Variants in GPR4 observed in about 807,000 individuals in gnomAD.
The protein encoded by GPR4 is G-prodeshotein coupled receptor 4.
In GPR4, 11 loss-of-function variants were observed where a neutral mutation model predicts 17.8. The observed-to-expected ratio is 0.62, with a 90% CI of 0.39 to 1.02. The LOEUF (loss-of-function observed/expected upper bound fraction) is 1.02, where lower values mean the gene tolerates loss of function less well. Ranked by LOEUF, GPR4 falls within the 50% of genes least tolerant of loss-of-function variation. The pLI is 0.00. For synonymous variants in GPR4, 219 were observed against 222.8 expected, an observed-to-expected ratio of 0.98 and a Z score of 0.15; for missense variants, 364 against 495.4, an observed-to-expected ratio of 0.73 and a Z score of 2.52.
At position 45,590,959 on chromosome 19, in the gene GPR4, T is replaced by C. The variant is rs1290241344; in HGVS notation, c.908A>G (p.Asn303Ser). The change falls in exon 2 of 2, where the codon AAC becomes AGC. Residue 303 changes from asparagine to serine, a missense_variant. Around this residue, in one of 3 missense-constraint regions of GPR4, gnomAD observed 92 missense variants for 106.0 expected, o/e 0.87. Transcript: ENST00000323040. Reference protein sequence around the residue: ...ARSDVAKALHNLLRFLASDKP... With the variant: ...ARSDVAKALHSLLRFLASDKP... The stretch of plus-strand genomic sequence containing the variant: ...GTCGCTGGCCAGAAAGCGGAGCAGG[T>C]TGTGCAGGGCCTTGGCCACATCGCT... The C allele has an allele frequency of 1.2e-6, 2 of 1,613,988 alleles. No homozygotes were observed. The highest frequency in any genetic ancestry group is 8.5e-7 in the Non-Finnish European group (1 of 1,180,028).
In GPR4 at chr19:45,591,020, G is replaced by T; in HGVS notation, c.847C>A (p.Pro283Thr). 6.2e-7 allele frequency: 1 copy of T among 1,613,964 alleles called. No individual in the cohort carries two copies. Among genetic ancestry groups the T allele is most frequent in the Non-Finnish European group, 8.5e-7 (1 of 1,180,038 alleles). The change falls in exon 2 of 2, where the codon CCC (proline) becomes ACC (threonine). Residue 283 changes from proline (P) to threonine (T), a missense_variant. Around this residue, in one of 3 missense-constraint regions of GPR4, gnomAD observed 92 missense variants for 106.0 expected, o/e 0.87. Coordinates refer to ENST00000323040, the MANE Select transcript of GPR4 (RefSeq NM_005282.3). This position sits in a 1 kb window ranked among gnomAD's most constrained non-coding sequence, Gnocchi z 7.6. ...TCGTTGACCAGGCAGTAGAGGATGG[G>T]GTCCGCCACACAGTTGAGGCTGGTG... Reference protein sequence around the residue: ...AFTSLNCVADPILYCLVNEGA... With the variant: ...AFTSLNCVADTILYCLVNEGA...
At chr19:45,601,206 GCACACACACACATCC>G (rs1255950249) in intron 1 of GPR4, among the ~76,000 whole-genome samples, 1 of 151,982 alleles carries the variant, frequency 6.6e-6, no homozygotes, top group African/African-American at 2.4e-5. Flanking sequence ...GCCTGAGTAC[GCACACACACACATCC>G]CACAACCGAT....
intron 1 of GPR4, among the ~76,000 whole-genome samples, chr19:45,601,061 A>G (rs929901779): frequency 2.0e-5 from 3 of 152,070 alleles, no homozygotes; most frequent in Admixed American, 6.5e-5. Flanking sequence ...ATCTACAAAG[A>G]CAGAGGTGGG....
At chr19:45,601,421 G>A (rs911005831) in intron 1 of GPR4, among the ~76,000 whole-genome samples, 1 of 152,064 alleles carries the variant, frequency 6.6e-6, no homozygotes, top group Non-Finnish European at 1.5e-5. Flanking sequence ...CGGGCTGGGT[G>A]CGACCTGAGG....
chr19:45,600,697 T>C (rs1370640645), intron 1 of GPR4, among the ~76,000 whole-genome samples: 1 of 152,164 alleles, frequency 6.6e-6, no homozygotes, highest in East Asian at 1.9e-4. Context: ...TGGACCTCAG[T>C]TTCTCCATCT....
intron 1 of GPR4, among the ~76,000 whole-genome samples, chr19:45,598,926 G>A (rs1488363195): frequency 3.9e-5 from 6 of 151,954 alleles, no homozygotes; most frequent in African/African-American, 7.3e-5. Flanking sequence ...TAGAAGATAC[G>A]ACCTTCTCCC....
chr19:45,594,076 A>ATATATATATATATATATATTT (rs1555738331), intron 1 of GPR4, among the ~76,000 whole-genome samples: 10 of 73,998 alleles, frequency 1.4e-4, no homozygotes, highest in African/African-American at 9.8e-4. Context: ...ATATATATAT[A>ATATATATATATATATATATTT]TATATATATA....
chr19:45,601,698 G>A (rs1425478254), intron 1 of GPR4, among the ~76,000 whole-genome samples: 3 of 152,098 alleles, frequency 2.0e-5, no homozygotes, highest in Admixed American at 2.0e-4. Flanking sequence ...ACAGAGACAG[G>A]GAGAGATGGA....
intron 1 of GPR4, among the ~76,000 whole-genome samples, chr19:45,601,890 A>T (rs1204168720): frequency 9.2e-5 from 14 of 152,170 alleles, no homozygotes; most frequent in Non-Finnish European, 1.5e-5. Flanking sequence ...GTCCAGAGGC[A>T]GAGGGACCAC....
chr19:45,594,062 A>T (rs1568417141), intron 1 of GPR4, among the ~76,000 whole-genome samples: 11 of 38,566 alleles, frequency 2.9e-4, no homozygotes, highest in East Asian at 8.4e-4. Flanking sequence ...AAAAAAAAAA[A>T]AATATATATA....
Position 45,590,827 on chromosome 19 carries a change from G to A in GPR4, c.1040C>T (p.Pro347Leu), listed in dbSNP as rs778965698. The A allele has an allele frequency of 3.1e-6, 5 of 1,607,238 alleles. No homozygotes were observed. Among genetic ancestry groups the A allele is most frequent in the South Asian group, 2.2e-5 (2 of 90,098 alleles). Residue 347 changes from proline (P) to leucine (L), a missense_variant, in exon 2 of 2, where the codon CCC (proline) becomes CTC (leucine). Transcript: ENST00000323040. The stretch of plus-strand genomic sequence containing the variant: ...CAGCTGCACCTGGTCCCCCTGGGAG[G>A]GCGGAGTGGCCGCCCAGCTGCCAGT... ...AMTGSWAATP[P>L]SQGDQVQLKM...
chr19:45,598,445 G>T lies in GPR4; in HGVS notation c.-832+3650C>A, dbSNP rs140959808. Reference sequence around the variant, plus strand: ...GAGACACTTCCGGCAGCCAGAGGAGGAAATACACTTCCCATTGCTAATTTC... The same window carrying T: ...GAGACACTTCCGGCAGCCAGAGGAGTAAATACACTTCCCATTGCTAATTTC... On this transcript the variant is annotated intron_variant, in intron 1 of 1. Transcript: ENST00000323040. 2.8e-4 allele frequency among the ~76,000 whole-genome samples: 42 copies of T among 152,024 alleles called. No homozygotes were observed. The East Asian group carries it at 5.6e-3, about 20-fold the overall frequency.
chr19:45,596,055 G>A (rs929416845), intron 1 of GPR4, among the ~76,000 whole-genome samples: 4 of 152,102 alleles, frequency 2.6e-5, no homozygotes, highest in Non-Finnish European at 5.9e-5. Flanking sequence ...TCTCTCAAAC[G>A]CCTGCCACTG....
At chr19:45,595,984 CTTTCCATGGGAAAG>C (rs1970054183) in intron 1 of GPR4, among the ~76,000 whole-genome samples, 1 of 152,178 alleles carries the variant, frequency 6.6e-6, no homozygotes, top group African/African-American at 2.4e-5. Context: ...GCCAGAGCAT[CTTTCCATGGGAAAG>C]TCCTCTGGGC....
At chr19:45,598,267 G>A (rs577612044) in intron 1 of GPR4, among the ~76,000 whole-genome samples, 29 of 152,148 alleles carry the variant, frequency 1.9e-4, no homozygotes, top group African/African-American at 6.5e-4. Flanking sequence ...GTATTTGAAC[G>A]ATTATTATTA....
intron 1 of GPR4, among the ~76,000 whole-genome samples, chr19:45,597,248 T>C (rs1042361573): frequency 6.6e-6 from 1 of 152,120 alleles, no homozygotes; most frequent in Non-Finnish European, 1.5e-5. Context: ...TTTGTATTTT[T>C]AGTAGAGATG....
In GPR4 at chr19:45,591,296, G is replaced by C. The variant is rs752893984; in HGVS notation, c.571C>G (p.Leu191Val). Reference protein sequence around the residue: ...MNLYRVFVGFLFPWALMLLSY... With the variant: ...MNLYRVFVGFVFPWALMLLSY... ...AGCAGCATGAGCGCCCACGGGAAGA[G>C]GAAGCCCACGAACACCCGATAGAGG... The change falls in exon 2 of 2, where the codon CTC (leucine) becomes GTC (valine). Residue 191 changes from leucine to valine, a missense_variant. Around this residue, in one of 3 missense-constraint regions of GPR4, gnomAD observed 271 missense variants for 373.1 expected, o/e 0.73. Coordinates refer to ENST00000323040, the MANE Select transcript of GPR4 (RefSeq NM_005282.3). The surrounding 1 kb of genome is among the most constrained non-coding windows in gnomAD (Gnocchi z 7.6). 1 of 1,612,940 alleles carries C rather than the reference G, an allele frequency of 6.2e-7. No individual in the cohort carries two copies. Among genetic ancestry groups the C allele is most frequent in the Admixed American group, 1.7e-5 (1 of 59,968 alleles).
chr19:45,598,476 G>T (rs1369983666), intron 1 of GPR4, among the ~76,000 whole-genome samples: 1 of 151,986 alleles, frequency 6.6e-6, no homozygotes, highest in Non-Finnish European at 1.5e-5. Context: ...ATTTCCTCAA[G>T]GGGGAACCGG....
chr19:45,594,295 A>G (rs1970034821), intron 1 of GPR4, among the ~76,000 whole-genome samples: 1 of 148,902 alleles, frequency 6.7e-6, no homozygotes. Context: ...GGTGGCGCAC[A>G]CCTGTAGTCC....
Sources: allele counts gnomAD v4.1 joint callset (sites outside exome capture counted in the v4.1 genomes callset), GRCh38; gene constraint gnomAD v4.1.1; regional missense constraint gnomAD v4.1.1; non-coding constraint Gnocchi (gnomAD v3.1); transcripts MANE v1.5; gene names NCBI Gene and HGNC (gene_info 2026-07-23, HGNC 2026-07-21).